Variants in WNK1 observed in about 807,000 individuals in gnomAD.
The protein encoded by WNK1 is serine/threonine-protein kinase WNK1.
WNK1 carries 38 observed loss-of-function variants against 222.8 expected under a neutral mutation model. The observed-to-expected ratio is 0.17, with a 90% confidence interval of 0.13 to 0.22. WNK1 has a LOEUF of 0.22. WNK1 is among the 10% of genes least tolerant of loss of function. The probability of loss-of-function intolerance (pLI) is 1.00; values close to 1 mark genes in which losing one functional copy is unlikely to be tolerated. For synonymous variants in WNK1, 1,090 were observed against 1,092.9 expected (o/e 1.00, Z 0.05); for missense variants, 2,348 against 2,918.4 (o/e 0.80, Z 4.50).
In WNK1 at chr12:801,505, C is replaced by T. The variant is rs117187999; in HGVS notation, c.760-12137C>T. Among the ~76,000 whole-genome samples, 1,093 of 150,198 alleles carry T rather than the reference C, an allele frequency of 7.3e-3. 4 individuals carry two copies. Among genetic ancestry groups the T allele is most frequent in the Non-Finnish European group, 0.011 (775 of 67,732 alleles). On this transcript the variant is annotated intron_variant, in intron 1 of 27. Coordinates refer to ENST00000315939, the MANE Select transcript of WNK1 (RefSeq NM_018979.4). ...CTCATTGCAGCCTCAACCTCCTGGG[C>T]TTAAGGGATCCTCCCACCTCAGCCT...
chr12:781,064 C>T (rs1400125294), intron 1 of WNK1: 1 of 153,084 alleles, frequency 6.5e-6, no homozygotes, highest in African/African-American at 2.4e-5. Flanking sequence ...AAATAGTTTC[C>T]TTACTAGCAA....
chr12:871,710 C>T (rs923232284), intron 9 of WNK1, among the ~76,000 whole-genome samples: 1 of 152,070 alleles, frequency 6.6e-6, no homozygotes, highest in Non-Finnish European at 1.5e-5. Flanking sequence ...TCAAGCAGTC[C>T]TCCTGCCTCA....
chr12:767,234 GTTTTTTTTTTTTTTTTTTTTTTTTT>G (rs71051382), intron 1 of WNK1, among the ~76,000 whole-genome samples: 7 of 70,858 alleles, frequency 9.9e-5, no homozygotes, highest in African/African-American at 4.5e-4. Context: ...GGGTTGATAG[GTTTTTTTTTTTTTTTTTTTTTTTTT>G]TTTTTTTTTT....
In WNK1 at chr12:813,833, C is replaced by T; in HGVS notation, c.932+19C>T. On this transcript the variant is annotated intron_variant, in intron 2 of 27. Coordinates refer to ENST00000315939, the MANE Select transcript of WNK1 (RefSeq NM_018979.4). Reference sequence around the variant, plus strand: ...TTAAAACGTAAGTTCATCAGTATTACAAAAGCTGACCAAGAAGTATGAGAG... The same window carrying T: ...TTAAAACGTAAGTTCATCAGTATTATAAAAGCTGACCAAGAAGTATGAGAG... The T allele has an allele frequency of 6.2e-7, 1 of 1,612,384 alleles. No homozygotes were observed. Among genetic ancestry groups the T allele is most frequent in the Non-Finnish European group, 8.5e-7 (1 of 1,179,034 alleles).
chr12:789,381 CTT>C (rs1342763118), intron 1 of WNK1, among the ~76,000 whole-genome samples: 2 of 152,030 alleles, frequency 1.3e-5, no homozygotes, highest in Non-Finnish European at 1.5e-5. Context: ...GAAAGAATAA[CTT>C]TTACTTAGCA....
intron 4 of WNK1, among the ~76,000 whole-genome samples, chr12:832,353 G>A (rs764137080): frequency 2.0e-5 from 3 of 152,186 alleles, no homozygotes; most frequent in Non-Finnish European, 2.9e-5. Context: ...GGAATTACAG[G>A]CATGAGCCAG....
chr12:772,120 A>G lies in WNK1; in HGVS notation c.759+17796A>G, dbSNP rs962918307. On this transcript the variant is annotated intron_variant, in intron 1 of 27. Coordinates refer to ENST00000315939, the MANE Select transcript of WNK1 (RefSeq NM_018979.4). ...TTCATACACAAAAAAGATGCTTTAA[A>G]AAATTAGTAAAACACTCTCGTTATA... Among the ~76,000 whole-genome samples the G allele has an allele frequency of 2.0e-5, 3 of 152,358 alleles. No individual in the cohort carries two copies. In the East Asian group the frequency reaches 5.8e-4, roughly 29 times the overall value.
intron 9 of WNK1, chr12:878,001 A>G (rs910807929): frequency 3.0e-4 from 186 of 612,326 alleles, no homozygotes; most frequent in Non-Finnish European, 9.4e-5. Context: ...GTATTAAAAG[A>G]TTGGTTAATT....
chr12:861,179 C>G lies in WNK1; in HGVS notation c.1787C>G (p.Ser596Cys). The change falls in exon 7 of 28, where the codon TCC becomes TGC. Residue 596 changes from serine to cysteine, a missense_variant. Physicochemically the swap from Ser to Cys is moderately radical, Grantham distance 112. This residue lies in a region of WNK1 where 103 missense variants were observed against 111.5 expected (regional missense o/e 0.92). Transcript: ENST00000315939. ...ESSLKQQVEQ[S>C]SASQTGIKQL... is the part of the protein sequence containing the mutation. ...AGTCTCAAACAGCAGGTAGAACAAT[C>G]CAGTGCTTCCCAGACAGGAATCAAG... The G allele has an allele frequency of 6.2e-7, 1 of 1,613,970 alleles. No homozygotes were observed. Among genetic ancestry groups the G allele is most frequent in the Non-Finnish European group, 8.5e-7 (1 of 1,179,964 alleles).
intron 10 of WNK1, 60 bp from the exon 11 acceptor site, chr12:879,513 C>CTTTTTTTTTTTT: frequency 5.0e-6 from 2 of 403,026 alleles, no homozygotes; most frequent in East Asian, 5.7e-5. Context: ...GGCAGCCTTG[C>CTTTTTTTTTTTT]TTTTTTTTTT....
intron 26 of WNK1, chr12:906,315 A>G (rs1955696198): frequency 1.0e-6 from 1 of 985,118 alleles, no homozygotes; most frequent in African/African-American, 1.7e-5. Context: ...AATAATCTTC[A>G]GTGTGCCCTC....
intron 1 of WNK1, among the ~76,000 whole-genome samples, chr12:786,811 A>G (rs1048374128): frequency 2.0e-5 from 3 of 152,084 alleles, no homozygotes; most frequent in African/African-American, 4.8e-5. Context: ...TGTGTTTCTT[A>G]TAAATAAACA....
At chr12:816,951 G>A (rs1947396531) in intron 2 of WNK1, among the ~76,000 whole-genome samples, 1 of 152,022 alleles carries the variant, frequency 6.6e-6, no homozygotes, top group South Asian at 2.1e-4. Flanking sequence ...AAAGAGAAAA[G>A]AAGGAATTGA....
chr12:794,791 ATCT>A (rs1373858690), intron 1 of WNK1, among the ~76,000 whole-genome samples: 1 of 152,214 alleles, frequency 6.6e-6, no homozygotes, highest in Non-Finnish European at 1.5e-5. Context: ...TTGCTCTGTC[ATCT>A]TGGCTGGAGT....
chr12:883,907 A>G, intron 17 of WNK1, 76 bp downstream of exon 17: 1 of 1,571,712 alleles, frequency 6.4e-7, no homozygotes. Flanking sequence ...AGGCTTCTGT[A>G]GTCCCAGCTA....
intron 1 of WNK1, among the ~76,000 whole-genome samples, chr12:797,909 A>G (rs1405602236): frequency 2.0e-5 from 3 of 148,058 alleles, no homozygotes; most frequent in Non-Finnish European, 3.0e-5. Flanking sequence ...AGATCGCACC[A>G]CTGCACTCCA....
chr12:887,377 C>CGTG, intron 20 of WNK1, 73 bp downstream of exon 20: 1 of 1,481,432 alleles, frequency 6.8e-7, no homozygotes, highest in Non-Finnish European at 9.4e-7. Context: ...TTCTCCACTA[C>CGTG]GTGGTCTTGG....
chr12:900,211 C>T (rs1592245960), intron 25 of WNK1, among the ~76,000 whole-genome samples: 2 of 151,802 alleles, frequency 1.3e-5, no homozygotes, highest in Admixed American at 6.6e-5. Flanking sequence ...GTCTCGAACT[C>T]CTGACCTCAG....
chr12:824,151 T>G (rs1345880839), intron 2 of WNK1, among the ~76,000 whole-genome samples: 1 of 150,860 alleles, frequency 6.6e-6, no homozygotes, highest in Non-Finnish European at 1.5e-5. Context: ...AGGTGATCCA[T>G]CCACCTCAGC....
Sources: allele counts gnomAD v4.1 joint callset (sites outside exome capture counted in the v4.1 genomes callset), GRCh38; gene constraint gnomAD v4.1.1; regional missense constraint gnomAD v4.1.1; transcripts MANE v1.5; gene names NCBI Gene and HGNC (gene_info 2026-07-23, HGNC 2026-07-21).